The following ITLN1 variants were observed in gnomAD, a reference collection of about 807,000 sequenced individuals.
ITLN1 encodes intelectin 1.
Under a neutral mutation model 36.2 loss-of-function variants are expected in ITLN1, and 29 were observed. The ratio of observed to expected loss-of-function variants is 0.80; its 90% CI spans 0.60 to 1.09. The LOEUF (loss-of-function observed/expected upper bound fraction) is 1.09. Ranked by LOEUF, ITLN1 falls within the 50% of genes least tolerant of loss-of-function variation. The pLI is 0.00. For missense variants in ITLN1, 358 were observed against 405.2 expected (o/e 0.88, Z 1.00); for synonymous variants, 143 against 146.5 (o/e 0.98, Z 0.17).
intron 7 of ITLN1, 102 bp from the exon 8 acceptor site, chr1:160,876,918 C>A (rs1238228610): frequency 2.5e-6 from 3 of 1,180,410 alleles, no homozygotes; most frequent in Admixed American, 2.1e-5. Flanking sequence ...CCTCATCAGA[C>A]TCTCCATTGA....
chr1:160,883,559 G>A (rs373224065), intron 2 of ITLN1, 33 bp from the exon 3 acceptor site: 55 of 1,465,390 alleles, frequency 3.8e-5, no homozygotes, highest in Admixed American at 1.2e-4. Flanking sequence ...TCTCATTCCC[G>A]GTTTGACACA....
rs772304363 is a variant in ITLN1, at chr1:160,876,613, T to C, written c.*51A>G. On this transcript the variant is annotated 3_prime_UTR_variant, in exon 8 of 8. Transcript: ENST00000326245. ...CTACTGGGTAAGTTGTTCTCCATCC[T>C]TGGGATCTCATGGTTGGGAGGAGAG... is the stretch of plus-strand genomic sequence containing the variant. 6.3e-7 allele frequency: 1 copy of C among 1,590,716 alleles called. No individual in the cohort carries two copies.
intron 3 of ITLN1, 73 bp from the exon 4 acceptor site, chr1:160,882,277 G>A: frequency 6.6e-7 from 1 of 1,512,898 alleles, no homozygotes; most frequent in Non-Finnish European, 8.8e-7. Flanking sequence ...GACAAGAAAG[G>A]CCCTAGGAAC....
At chr1:160,881,423 G>T in intron 4 of ITLN1, 111 bp from the exon 5 acceptor site, 1 of 1,287,604 alleles carries the variant, frequency 7.8e-7, no homozygotes, top group Non-Finnish European at 1.0e-6. Flanking sequence ...CAGATGAGCA[G>T]ATGGCCAACC....
chr1:160,883,707 GCAT>G (rs1670715655), intron 2 of ITLN1, among the ~76,000 whole-genome samples, 181 bp from the exon 3 acceptor site: 1 of 152,034 alleles, frequency 6.6e-6, no homozygotes, highest in Admixed American at 6.6e-5. Context: ...CAGCCCATCG[GCAT>G]CATATCCACT....
chr1:160,880,667 G>A lies in ITLN1; in HGVS notation c.606C>T (p.Asp202=). The change falls in exon 6 of 8, where the codon GAC becomes GAT. Residue 202 remains aspartate, a synonymous_variant. Transcript: ENST00000326245. The part of the protein sequence containing the change: ...VKYGEGKCWT[D]NGPVIPVVYD... ...AGACCACAGGGATCACCGGGCCGTT[G>A]TCAGTCCAACACTTTCCTTCTCCAT... The A allele has an allele frequency of 1.2e-6, 2 of 1,614,098 alleles. No homozygotes were observed. The highest frequency in any genetic ancestry group is 1.7e-6 in the Non-Finnish European group (2 of 1,179,982).
Position 160,876,620 on chromosome 1 carries a change from C to T in ITLN1, c.*44G>A, listed in dbSNP as rs775194040. ...GTAAGTTGTTCTCCATCCTTGGGAT[C>T]TCATGGTTGGGAGGAGAGGTCTGGG... On this transcript the variant is annotated 3_prime_UTR_variant, in exon 8 of 8. Coordinates refer to ENST00000326245, the MANE Select transcript of ITLN1 (RefSeq NM_017625.3). 4 of 1,602,648 alleles carry T rather than the reference C, an allele frequency of 2.5e-6. No homozygotes were observed. In the East Asian group the frequency reaches 8.9e-5, roughly 36 times the overall value.
intron 6 of ITLN1, 128 bp downstream of exon 6, chr1:160,880,460 T>C (rs1301022626): frequency 2.2e-6 from 2 of 894,858 alleles, no homozygotes; most frequent in Non-Finnish European, 3.4e-6. Context: ...GCCATGCAAA[T>C]CAAGTGGGGC....
chr1:160,876,640 T>G lies in ITLN1; in HGVS notation c.*24A>C. 5.6e-6 allele frequency: 9 copies of G among 1,612,978 alleles called. No individual in the cohort carries two copies. The highest frequency in any genetic ancestry group is 7.6e-6 in the Non-Finnish European group (9 of 1,179,280). On this transcript the variant is annotated 3_prime_UTR_variant, in exon 8 of 8. Transcript: ENST00000326245. Reference sequence around the variant, plus strand: ...GGGATCTCATGGTTGGGAGGAGAGGTCTGGGTTCCCTCCCACAAAACTCTC... The same window carrying G: ...GGGATCTCATGGTTGGGAGGAGAGGGCTGGGTTCCCTCCCACAAAACTCTC...
intron 3 of ITLN1, 34 bp downstream of exon 3, chr1:160,883,394 T>C: frequency 6.9e-7 from 1 of 1,445,242 alleles, no homozygotes; most frequent in South Asian, 1.1e-5. Context: ...CCTGATACCC[T>C]GACTGAGCTC....
Position 160,881,043 on chromosome 1 carries a change from G to A in ITLN1, c.564+111C>T, listed in dbSNP as rs956959739. On this transcript the variant is annotated intron_variant, in intron 5 of 7. Transcript: ENST00000326245. ...CAACAGAAGCCATCAGCAAATCTGG[G>A]TTAGAAGAACATGGGAGACAGACCC... 2.0e-5 allele frequency: 25 copies of A among 1,267,498 alleles called. 1 individual carries two copies. In the South Asian group the frequency reaches 3.5e-4, roughly 18 times the overall value. 78.5% of individuals were successfully genotyped at this position (1,267,498 alleles called of 1,614,324 possible).
intron 6 of ITLN1, among the ~76,000 whole-genome samples, chr1:160,880,261 C>T (rs576917881): frequency 7.3e-5 from 11 of 151,386 alleles, no homozygotes; most frequent in Admixed American, 4.0e-4. Context: ...GCTGAGACTG[C>T]GCCATTGCAC....
chr1:160,876,938 T>C, intron 7 of ITLN1, 122 bp from the exon 8 acceptor site: 1 of 1,016,712 alleles, frequency 9.8e-7, no homozygotes. Flanking sequence ...ACAGTGTTGA[T>C]CTATTCTTCC....
intron 7 of ITLN1, 63 bp downstream of exon 7, chr1:160,879,248 A>G: frequency 8.6e-7 from 1 of 1,161,012 alleles, no homozygotes; most frequent in Non-Finnish European, 1.3e-6. Flanking sequence ...ACTCACACAT[A>G]CCAACACACA....
In ITLN1 at chr1:160,876,960, C is replaced by G; in HGVS notation, c.790-144G>C. On this transcript the variant is annotated intron_variant, in intron 7 of 7. Coordinates refer to ENST00000326245, the MANE Select transcript of ITLN1 (RefSeq NM_017625.3). ...TGATCTATTCTTCCCATAAAAACCTCTCTTCCTTGGCTCACACCTGTAATC... is the reference window on the plus strand; with the variant it reads ...TGATCTATTCTTCCCATAAAAACCTGTCTTCCTTGGCTCACACCTGTAATC... The G allele has an allele frequency of 8.0e-6, 7 of 874,616 alleles. No homozygotes were observed. In the South Asian group the frequency reaches 1.3e-4, roughly 16 times the overall value. The allele number at this position is 874,616 out of a possible 1,614,324, so 54.2% of individuals were successfully genotyped here. A position where few individuals can be genotyped will look rare whatever the true frequency, so the allele number is the denominator to read the frequency against.
rs373321005 is a variant in ITLN1 at position 160,882,554 on chromosome 1, C to T, written c.158-350G>A. ...CCAGTGTTCATTGCAGCATTAGTCA[C>T]AAGAGCCAAATAGAAGAAACAATTC... is the stretch of plus-strand genomic sequence containing the variant. On this transcript the variant is annotated intron_variant, in intron 3 of 7. Transcript: ENST00000326245. Among the ~76,000 whole-genome samples the T allele has an allele frequency of 4.0e-4, 61 of 152,278 alleles. 1 individual carries two copies. The East Asian group carries it at 8.9e-3, about 22-fold the overall frequency.
In ITLN1 at chr1:160,881,667, A is replaced by T. The variant is rs112963002; in HGVS notation, c.405+290T>A. 5,177 of 541,274 alleles carry T rather than the reference A, an allele frequency of 9.6e-3. 248 individuals carry two copies. Among genetic ancestry groups the T allele is most frequent in the African/African-American group, 0.092 (4,739 of 51,556 alleles). The allele number at this position is 541,274 out of a possible 1,614,324, so 33.5% of individuals were successfully genotyped here. On this transcript the variant is annotated intron_variant, in intron 4 of 7. Coordinates refer to ENST00000326245, the MANE Select transcript of ITLN1 (RefSeq NM_017625.3). ...CTACTAAAAGTACAAAAATTCGCTG[A>T]GTATGGTAGTGGGCGCTTGTAGTCC...
At chr1:160,879,038 A>G (rs940488121) in intron 7 of ITLN1, among the ~76,000 whole-genome samples, 2 of 152,182 alleles carry the variant, frequency 1.3e-5, no homozygotes, top group African/African-American at 2.4e-5. Context: ...CAAGCGATTG[A>G]GTGTTTTCTC....
intron 2 of ITLN1, among the ~76,000 whole-genome samples, chr1:160,883,888 A>T (rs1670717966): frequency 6.6e-6 from 1 of 152,240 alleles, no homozygotes; most frequent in Non-Finnish European, 1.5e-5. Flanking sequence ...AGAAAATTGT[A>T]TTGACAAGAA....
Sources: allele counts gnomAD v4.1 joint callset (sites outside exome capture counted in the v4.1 genomes callset), GRCh38; gene constraint gnomAD v4.1.1; transcripts MANE v1.5; gene names NCBI Gene and HGNC (gene_info 2026-07-23, HGNC 2026-07-21).